The following KCNIP4 variants were observed in gnomAD, a reference collection of about 807,000 sequenced individuals.
The protein encoded by KCNIP4 is Kv channel-interacting protein 4.
In KCNIP4, 12 loss-of-function variants were observed where a neutral mutation model predicts 34.0. The observed-to-expected ratio is 0.35, with a 90% CI of 0.23 to 0.57. The LOEUF (loss-of-function observed/expected upper bound fraction) is 0.57. Among genes scored for constraint, KCNIP4 ranks in the 20% least tolerant of loss-of-function variants. The probability of loss-of-function intolerance (pLI) is 0.83; values close to 1 mark genes in which losing one functional copy is unlikely to be tolerated. For synonymous variants in KCNIP4, 124 were observed against 102.2 expected (o/e 1.21, Z -1.29); for missense variants, 238 against 311.7 (o/e 0.76, Z 1.78).
At chr4:21,255,090 C>G (rs192464589) in intron 1 of KCNIP4, among the ~76,000 whole-genome samples, 2 of 152,118 alleles carry the variant, frequency 1.3e-5, no homozygotes, top group African/African-American at 4.8e-5. Context: ...CCTCTACCCC[C>G]ACCCTGGCTG....
chr4:20,873,560 T>C lies in KCNIP4; in HGVS notation c.163+9048A>G, dbSNP rs185117142. ...CCAATATCCCACTAAGTTTGGTTAT[T>C]AGTTTTGACACCTGTCTGTCTCTTG... On this transcript the variant is annotated intron_variant, in intron 2 of 8. Transcript: ENST00000382152. Among the ~76,000 whole-genome samples the C allele has an allele frequency of 1.8e-3, 274 of 152,300 alleles. 1 individual carries two copies. Among genetic ancestry groups the C allele is most frequent in the African/African-American group, 6.2e-3 (257 of 41,580 alleles).
chr4:21,356,123 C>T (rs140143705), intron 1 of KCNIP4, among the ~76,000 whole-genome samples: 191 of 152,210 alleles, frequency 1.3e-3, no homozygotes, highest in Non-Finnish European at 2.3e-3. Flanking sequence ...TTCAACAGCC[C>T]TTCATGCTAA....
intron 1 of KCNIP4, among the ~76,000 whole-genome samples, chr4:21,476,864 T>G (rs1167416410): frequency 6.6e-6 from 1 of 152,142 alleles, no homozygotes; most frequent in African/African-American, 2.4e-5. Flanking sequence ...CTGTCTTCTT[T>G]GTGCTCCAGG....
intron 1 of KCNIP4, among the ~76,000 whole-genome samples, chr4:20,999,931 C>G (rs1737955079): frequency 6.6e-6 from 1 of 152,152 alleles, no homozygotes; most frequent in African/African-American, 2.4e-5. Context: ...GTAGAGGCAA[C>G]TTAACCTTCC....
chr4:21,167,528 G>A (rs371000440), intron 1 of KCNIP4, among the ~76,000 whole-genome samples: 3 of 152,118 alleles, frequency 2.0e-5, no homozygotes, highest in African/African-American at 7.2e-5. Context: ...TTTTCATTTA[G>A]CATGGCTAAC....
At chr4:20,946,552 G>A (rs1483055072) in intron 1 of KCNIP4, among the ~76,000 whole-genome samples, 2 of 152,194 alleles carry the variant, frequency 1.3e-5, no homozygotes, top group Non-Finnish European at 2.9e-5. Context: ...GTGATCCACT[G>A]AGATGTAGAA....
chr4:21,945,386 T>C (rs1730453703), intron 1 of KCNIP4, among the ~76,000 whole-genome samples: 1 of 152,150 alleles, frequency 6.6e-6, no homozygotes, highest in Non-Finnish European at 1.5e-5. Flanking sequence ...TTATATGACA[T>C]AAAGAAAATA....
At chr4:20,876,206 A>C (rs1166075062) in intron 2 of KCNIP4, among the ~76,000 whole-genome samples, 1 of 152,130 alleles carries the variant, frequency 6.6e-6, no homozygotes, top group Non-Finnish European at 1.5e-5. Flanking sequence ...CAAGTGTTGA[A>C]TGTTTTATCT....
At chr4:21,004,058 T>C (rs1159146293) in intron 1 of KCNIP4, among the ~76,000 whole-genome samples, 2 of 152,174 alleles carry the variant, frequency 1.3e-5, no homozygotes, top group African/African-American at 4.8e-5. Flanking sequence ...TGCTAAAGAA[T>C]TGGTGCAGGA....
intron 1 of KCNIP4, among the ~76,000 whole-genome samples, chr4:21,414,676 C>T (rs562551984): frequency 2.0e-5 from 3 of 152,128 alleles, no homozygotes; most frequent in African/African-American, 4.8e-5. Context: ...GAGGTGAAAA[C>T]AATCTAAGTG....
chr4:21,024,553 A>G (rs1740360788), intron 1 of KCNIP4, among the ~76,000 whole-genome samples: 1 of 152,234 alleles, frequency 6.6e-6, no homozygotes, highest in African/African-American at 2.4e-5. Context: ...TTTAAAGCTT[A>G]CATTTTCATA....
At chr4:20,874,357 C>A (rs1182140396) in intron 2 of KCNIP4, among the ~76,000 whole-genome samples, 2 of 152,038 alleles carry the variant, frequency 1.3e-5, no homozygotes, top group African/African-American at 4.8e-5. Context: ...TACTTGTATT[C>A]GTTGTGTCTT....
chr4:21,472,810 C>T (rs1730583393), intron 1 of KCNIP4, among the ~76,000 whole-genome samples: 1 of 152,070 alleles, frequency 6.6e-6, no homozygotes, highest in South Asian at 2.1e-4. Flanking sequence ...TTTTTCTCCT[C>T]TTCTGCAAAA....
chr4:21,597,392 ATTATCCAGTCTCGGGTATGTCT>A (rs1742741847), intron 1 of KCNIP4, among the ~76,000 whole-genome samples: 1 of 152,122 alleles, frequency 6.6e-6, no homozygotes, highest in African/African-American at 2.4e-5. Flanking sequence ...TTCTTTATAA[ATTATCCAGTCTCGGGTATGTCT>A]TTATCAGCAG....
chr4:21,468,466 T>TTCA (rs1390971833), intron 1 of KCNIP4, among the ~76,000 whole-genome samples: 1 of 152,122 alleles, frequency 6.6e-6, no homozygotes, highest in East Asian at 1.9e-4. Context: ...AAGTTGTGCT[T>TTCA]TCATCGCTTG....
At chr4:21,377,089 A>G (rs892754069) in intron 1 of KCNIP4, among the ~76,000 whole-genome samples, 2 of 152,158 alleles carry the variant, frequency 1.3e-5, no homozygotes, top group Non-Finnish European at 2.9e-5. Flanking sequence ...TCTTCTCTGA[A>G]TATGCAGGGC....
At chr4:21,508,258 C>T (rs971677824) in intron 1 of KCNIP4, among the ~76,000 whole-genome samples, 21 of 152,164 alleles carry the variant, frequency 1.4e-4, no homozygotes, top group African/African-American at 3.9e-4. Flanking sequence ...TTATTTAAAA[C>T]TAATTTCTAA....
chr4:20,730,270 G>A (rs753160980), intron 8 of KCNIP4, 141 bp from the exon 9 acceptor site: 47 of 1,058,336 alleles, frequency 4.4e-5, no homozygotes, highest in Non-Finnish European at 5.7e-5. Flanking sequence ...GTTTGCAAAT[G>A]TAAATGCCAT....
intron 1 of KCNIP4, among the ~76,000 whole-genome samples, chr4:21,939,682 C>T (rs1578165322): frequency 3.9e-5 from 6 of 152,116 alleles, no homozygotes; most frequent in South Asian, 4.2e-4. Flanking sequence ...GGACCATGAG[C>T]GGACAGGGAA....
Sources: gnomAD v4.1 joint callset for allele counts (sites outside exome capture counted in the v4.1 genomes callset) on GRCh38, gnomAD v4.1.1 for gene constraint, MANE v1.5 for transcripts, NCBI Gene and HGNC (gene_info 2026-07-23, HGNC 2026-07-21) for gene names.